The following PTK2B variants were observed in gnomAD, a reference collection of about 807,000 sequenced individuals.
The protein encoded by PTK2B is protein-tyrosine kinase 2-beta.
PTK2B carries 71 observed loss-of-function variants against 142.9 expected under a neutral mutation model. That is an observed-to-expected ratio of 0.50 (90% CI 0.41 to 0.61). The LOEUF is 0.61. Ranked by LOEUF, PTK2B falls within the 20% of genes least tolerant of loss-of-function variation. The pLI is 0.00. For synonymous variants in PTK2B, 519 were observed against 503.4 expected, an observed-to-expected ratio of 1.03 and a Z score of -0.42; for missense variants, 1,105 against 1,320.4, an observed-to-expected ratio of 0.84 and a Z score of 2.53.
intron 1 of PTK2B, among the ~76,000 whole-genome samples, chr8:27,352,481 G>A (rs969101055): frequency 3.9e-5 from 6 of 152,252 alleles, no homozygotes; most frequent in African/African-American, 1.2e-4. Context: ...GAGGGGGGGC[G>A]GTCATCTGGG....
chr8:27,312,930 A>G (rs1205100134), intron 2 of PTK2B, among the ~76,000 whole-genome samples: 1 of 152,224 alleles, frequency 6.6e-6, no homozygotes, highest in Non-Finnish European at 1.5e-5. Flanking sequence ...GTGAATCTGT[A>G]TGGGTCTGCA....
chr8:27,437,155 T>C lies in PTK2B; in HGVS notation c.1375T>C (p.Cys459Arg). ...GAAAATCAATGTAGCTGTCAAGACC[T>C]GCAAGAAAGACTGCACTCTGGACAA... is the stretch of plus-strand genomic sequence containing the variant. ...GEKINVAVKT[C>R]KKDCTLDNKE... is the part of the protein sequence containing the mutation. Residue 459 changes from cysteine to arginine, a missense_variant, in exon 16 of 31, where the codon TGC (cysteine) becomes CGC (arginine). Cys to Arg is a radical substitution (Grantham distance 180). Coordinates refer to ENST00000346049, the MANE Select transcript of PTK2B (RefSeq NM_173176.3). The C allele has an allele frequency of 6.2e-7, 1 of 1,613,988 alleles. No homozygotes were observed. Among genetic ancestry groups the C allele is most frequent in the Non-Finnish European group, 8.5e-7 (1 of 1,179,968 alleles).
chr8:27,405,037 T>C (rs999324842), intron 2 of PTK2B, among the ~76,000 whole-genome samples: 5 of 50,538 alleles, frequency 9.9e-5, no homozygotes, highest in Non-Finnish European at 1.4e-4. Flanking sequence ...TTTCTCTTCC[T>C]CTCTCTCTCT....
intron 20 of PTK2B, 140 bp from the exon 21 acceptor site, chr8:27,440,097 C>G: frequency 1.2e-6 from 1 of 822,338 alleles, no homozygotes; most frequent in Non-Finnish European, 1.9e-6. Context: ...CCATGGTAGG[C>G]AGGACCCCAG....
intron 2 of PTK2B, among the ~76,000 whole-genome samples, chr8:27,411,586 A>C (rs1266405598): frequency 6.6e-6 from 1 of 152,216 alleles, no homozygotes; most frequent in East Asian, 1.9e-4. Flanking sequence ...ACTGTGGCTC[A>C]GGGAGCTTGT....
chr8:27,447,419 A>G (rs1209176590), intron 24 of PTK2B, among the ~76,000 whole-genome samples: 1 of 152,238 alleles, frequency 6.6e-6, no homozygotes, highest in Non-Finnish European at 1.5e-5. Flanking sequence ...ATTTAACAAA[A>G]ATACAGAGGT....
At chr8:27,444,361 C>A in intron 23 of PTK2B, 90 bp downstream of exon 23, 1 of 1,448,060 alleles carries the variant, frequency 6.9e-7, no homozygotes, top group Non-Finnish European at 9.6e-7. Flanking sequence ...GAGCAGCAGT[C>A]ACCCACTTGG....
At chr8:27,312,802 A>G (rs376103682) in intron 2 of PTK2B, among the ~76,000 whole-genome samples, 3 of 152,308 alleles carry the variant, frequency 2.0e-5, no homozygotes, top group African/African-American at 7.2e-5. Flanking sequence ...CTGTGGAATA[A>G]CTGGCCATAA....
intron 24 of PTK2B, among the ~76,000 whole-genome samples, chr8:27,450,302 G>A (rs1177845517): frequency 2.6e-5 from 4 of 152,184 alleles, no homozygotes; most frequent in African/African-American, 9.7e-5. Flanking sequence ...TCAGAAGGGT[G>A]TGATGCTCTC....
chr8:27,445,306 G>A (rs1295622375), intron 23 of PTK2B, among the ~76,000 whole-genome samples: 1 of 152,188 alleles, frequency 6.6e-6, no homozygotes, highest in African/African-American at 2.4e-5. Context: ...CCAGCTATGT[G>A]GGAGGCTGAG....
At chr8:27,365,375 C>T (rs1485529367) in intron 1 of PTK2B, among the ~76,000 whole-genome samples, 2 of 152,132 alleles carry the variant, frequency 1.3e-5, no homozygotes, top group African/African-American at 2.4e-5. Context: ...ATCCCTAGCC[C>T]GAGGGAAGGC....
At chr8:27,424,123 A>T (rs939575562) in intron 5 of PTK2B, among the ~76,000 whole-genome samples, 1 of 152,072 alleles carries the variant, frequency 6.6e-6, no homozygotes, top group Admixed American at 6.6e-5. Context: ...CAAGTCGAAA[A>T]AGCTTATCTT....
rs1330650970 is a variant in PTK2B, at chr8:27,348,445, A to G, written c.-38+22764A>G. On this transcript the variant is annotated intron_variant, in intron 1 of 30. Coordinates refer to ENST00000346049, the MANE Select transcript of PTK2B (RefSeq NM_173176.3). ...TGCTTTCCAGCTCTTCCCGGCGTGCACACACACCTCCTGGAACTCCAGCCT... is the reference window on the plus strand; with the variant it reads ...TGCTTTCCAGCTCTTCCCGGCGTGCGCACACACCTCCTGGAACTCCAGCCT... 3.3e-5 allele frequency among the ~76,000 whole-genome samples: 5 copies of G among 152,260 alleles called. No individual in the cohort carries two copies. The East Asian group carries it at 9.7e-4, about 29-fold the overall frequency.
At chr8:27,324,415 A>G (rs1401482075), upstream of PTK2B, among the ~76,000 whole-genome samples, 1 of 152,266 alleles carries the variant, frequency 6.6e-6, no homozygotes, top group African/African-American at 2.4e-5. Context: ...CTAGCTGCAG[A>G]GAGTCTGATC....
chr8:27,446,527 C>T (rs1011738309), intron 24 of PTK2B, among the ~76,000 whole-genome samples: 1 of 152,098 alleles, frequency 6.6e-6, no homozygotes, highest in Non-Finnish European at 1.5e-5. Context: ...TGGCTGGCTT[C>T]TGATTGTCAG....
chr8:27,441,262 T>C (rs1231551859), intron 21 of PTK2B, among the ~76,000 whole-genome samples: 1 of 152,206 alleles, frequency 6.6e-6, no homozygotes, highest in East Asian at 1.9e-4. Context: ...CAAATAAGTT[T>C]CATGTGTCAT....
At chr8:27,391,156 G>GTGCAATCTCGGCTCAC (rs1807700049) in intron 1 of PTK2B, among the ~76,000 whole-genome samples, 1 of 151,092 alleles carries the variant, frequency 6.6e-6, no homozygotes, top group Non-Finnish European at 1.5e-5. Context: ...TCTCGGCTCG[G>GTGCAATCTCGGCTCAC]TGCAATCTCG....
intron 22 of PTK2B, among the ~76,000 whole-genome samples, chr8:27,443,555 A>G (rs1811288235): frequency 6.6e-6 from 1 of 152,320 alleles, no homozygotes; most frequent in East Asian, 1.9e-4. Context: ...CTTACAGACA[A>G]CCACCTTCTC....
chr8:27,458,193 A>T, intron 30 of PTK2B, 101 bp from the exon 31 acceptor site: 5 of 1,207,034 alleles, frequency 4.1e-6, no homozygotes, highest in Non-Finnish European at 4.7e-6. Flanking sequence ...GGAACTTCTG[A>T]TTGCTTTGGC....
Sources: gnomAD v4.1 joint callset for allele counts (sites outside exome capture counted in the v4.1 genomes callset) on GRCh38, gnomAD v4.1.1 for gene constraint, MANE v1.5 for transcripts, NCBI Gene and HGNC (gene_info 2026-07-23, HGNC 2026-07-21) for gene names.